The following TLL1 variants were observed in gnomAD, a reference collection of about 807,000 sequenced individuals.
TLL1 encodes the protein tolloid-like protein 1.
TLL1 carries 49 observed loss-of-function variants against 128.2 expected under a neutral mutation model. That is an observed-to-expected ratio of 0.38 (90% CI 0.30 to 0.48). The LOEUF is 0.48. Among genes scored for constraint, TLL1 ranks in the 20% least tolerant of loss-of-function variants. The pLI is 0.96. For missense variants in TLL1, 1,123 were observed against 1,242.0 expected (o/e 0.90, Z 1.44); for synonymous variants, 454 against 418.8 (o/e 1.08, Z -1.03).
intron 1 of TLL1, among the ~76,000 whole-genome samples, chr4:165,892,682 C>T (rs1450608579): frequency 6.6e-6 from 1 of 152,126 alleles, no homozygotes; most frequent in Non-Finnish European, 1.5e-5. Flanking sequence ...CATAAATGTG[C>T]TAAGAACATA....
chr4:165,960,167 G>T (rs1363128428), intron 1 of TLL1, among the ~76,000 whole-genome samples: 1 of 151,938 alleles, frequency 6.6e-6, no homozygotes, highest in African/African-American at 2.4e-5. Context: ...AGATCCCACG[G>T]ATAAACAAAA....
In TLL1 at chr4:165,977,441, A is replaced by C. The variant is rs139473647; in HGVS notation, c.170-11940A>C. Among the ~76,000 whole-genome samples, 344 of 152,040 alleles carry C rather than the reference A, an allele frequency of 2.3e-3. 6 individuals carry two copies. The East Asian group carries it at 0.043, about 19-fold the overall frequency. ...TGAGGCCTCTCCAATCGTGTGGATC[A>C]GTGAGTCAATCAAACCTCTTTCCTT... is the stretch of plus-strand genomic sequence containing the variant. On this transcript the variant is annotated intron_variant, in intron 1 of 20. Coordinates refer to ENST00000061240, the MANE Select transcript of TLL1 (RefSeq NM_012464.5).
At chr4:165,949,554 C>T (rs1033467095) in intron 1 of TLL1, among the ~76,000 whole-genome samples, 5 of 152,046 alleles carry the variant, frequency 3.3e-5, no homozygotes, top group African/African-American at 1.2e-4. Context: ...AAAGACATAC[C>T]CGAGACTGAG....
chr4:166,033,778 G>T (rs1560824915), intron 9 of TLL1, among the ~76,000 whole-genome samples: 1 of 152,098 alleles, frequency 6.6e-6, no homozygotes, highest in Non-Finnish European at 1.5e-5. Flanking sequence ...GTTCATGCTG[G>T]CAACAATCCA....
chr4:165,946,312 A>G (rs1011366808), intron 1 of TLL1, among the ~76,000 whole-genome samples: 3 of 151,934 alleles, frequency 2.0e-5, no homozygotes, highest in African/African-American at 7.3e-5. Flanking sequence ...TGTGAGATAA[A>G]TAATGTGTTA....
intron 1 of TLL1, among the ~76,000 whole-genome samples, chr4:165,909,054 G>A (rs1315232646): frequency 6.6e-6 from 1 of 152,062 alleles, no homozygotes; most frequent in East Asian, 1.9e-4. Flanking sequence ...AAAATTAGCC[G>A]GGTGTGCCTA....
At chr4:165,895,194 T>G (rs1731614621) in intron 1 of TLL1, among the ~76,000 whole-genome samples, 1 of 152,034 alleles carries the variant, frequency 6.6e-6, no homozygotes. Flanking sequence ...GAATACAGAT[T>G]GGAAAGGATA....
chr4:165,994,618 A>G (rs1736785175), intron 4 of TLL1, 85 bp downstream of exon 4: 4 of 1,481,354 alleles, frequency 2.7e-6, no homozygotes, highest in South Asian at 2.4e-5. Context: ...GAATATTAAC[A>G]TAAGATACAT....
intron 16 of TLL1, among the ~76,000 whole-genome samples, chr4:166,073,306 G>T (rs1016979628): frequency 2.6e-5 from 4 of 152,098 alleles, no homozygotes; most frequent in African/African-American, 9.7e-5. Context: ...CCATTCTGTA[G>T]AAGTCATTTA....
chr4:165,895,826 C>T (rs1731652003), intron 1 of TLL1, among the ~76,000 whole-genome samples: 1 of 152,018 alleles, frequency 6.6e-6, no homozygotes, highest in Admixed American at 6.6e-5. Flanking sequence ...TCAAGAGCAA[C>T]AGATACGTAA....
At chr4:165,991,280 TAAA>T (rs1450637224) in intron 2 of TLL1, among the ~76,000 whole-genome samples, 1 of 151,994 alleles carries the variant, frequency 6.6e-6, no homozygotes, top group Non-Finnish European at 1.5e-5. Flanking sequence ...CTGATAATAA[TAAA>T]AACACTTATT....
At chr4:165,954,852 G>C (rs1002060942) in intron 1 of TLL1, among the ~76,000 whole-genome samples, 26 of 152,100 alleles carry the variant, frequency 1.7e-4, no homozygotes, top group Non-Finnish European at 1.0e-4. Flanking sequence ...AGCCCTCTCA[G>C]ATGAGAGATA....
intron 1 of TLL1, among the ~76,000 whole-genome samples, chr4:165,892,405 C>T (rs909302433): frequency 3.3e-5 from 5 of 152,176 alleles, no homozygotes; most frequent in Admixed American, 6.6e-5. Flanking sequence ...ACCCCAAATT[C>T]CTCATGTAAG....
intron 15 of TLL1, among the ~76,000 whole-genome samples, chr4:166,064,453 TAGTC>T (rs1740482364): frequency 1.3e-5 from 2 of 152,124 alleles, no homozygotes; most frequent in Admixed American, 6.6e-5. Context: ...ATTATTCTCA[TAGTC>T]AGGGTCACCA....
chr4:166,093,609 C>T (rs1336273648), intron 19 of TLL1, among the ~76,000 whole-genome samples: 6 of 152,128 alleles, frequency 3.9e-5, no homozygotes, highest in African/African-American at 9.7e-5. Context: ...AGAGGCTTTC[C>T]TCTTTTACTA....
At chr4:165,903,912 GT>G (rs61270114) in intron 1 of TLL1, among the ~76,000 whole-genome samples, 3 of 151,458 alleles carry the variant, frequency 2.0e-5, no homozygotes, top group Non-Finnish European at 4.4e-5. Flanking sequence ...AATATATAGG[GT>G]TTTTTTGGTA....
intron 10 of TLL1, among the ~76,000 whole-genome samples, chr4:166,039,647 C>T (rs940619754): frequency 2.0e-5 from 3 of 152,016 alleles, no homozygotes; most frequent in African/African-American, 7.2e-5. Context: ...TTTGAGCTAG[C>T]TTAACTTATG....
At chr4:166,089,300 G>A (rs952083882) in intron 18 of TLL1, among the ~76,000 whole-genome samples, 9 of 152,072 alleles carry the variant, frequency 5.9e-5, no homozygotes, top group Admixed American at 5.9e-4. Context: ...GATGTTAGGA[G>A]TGTATATATG....
At chr4:165,986,017 A>AT (rs141245093) in intron 1 of TLL1, among the ~76,000 whole-genome samples, 9,147 of 147,978 alleles carry the variant, frequency 0.062, 802 homozygotes, top group African/African-American at 0.2. Flanking sequence ...CCATTTTCCC[A>AT]TTTTTTTTTT....
Sources: gnomAD v4.1 joint callset for allele counts (sites outside exome capture counted in the v4.1 genomes callset) on GRCh38, gnomAD v4.1.1 for gene constraint, MANE v1.5 for transcripts, NCBI Gene and HGNC (gene_info 2026-07-23, HGNC 2026-07-21) for gene names.